BRAF: variants seen among roughly 807,000 people sequenced by gnomAD.
BRAF encodes the protein B-Raf proto-oncogene, serine/threonine kinase, also known as serine/threonine-protein kinase B-raf.
BRAF carries 16 observed loss-of-function variants against 104.6 expected under a neutral mutation model. The observed-to-expected ratio is 0.15, with a 90% CI of 0.10 to 0.23. BRAF has a LOEUF of 0.23. Ranked by LOEUF, BRAF falls within the 10% of genes least tolerant of loss-of-function variation. The pLI, the probability that BRAF is intolerant of heterozygous loss-of-function variation, is 1.00. For synonymous variants in BRAF, 310 were observed against 341.6 expected (o/e 0.91, Z 1.02); for missense variants, 541 against 937.3 (o/e 0.58, Z 5.52).
rs1807345477 is a variant in BRAF at position 140,836,407 on chromosome 7, G to A, written c.241-1535C>T. The stretch of plus-strand genomic sequence containing the variant: ...AGGGAGAATTATAAAATGTAGAGGA[G>A]AATGAAAGAGAAATTTCATTTCAAT... On this transcript the variant is annotated intron_variant, in intron 2 of 19. Coordinates refer to ENST00000644969, the MANE Select transcript of BRAF (RefSeq NM_001374258.1). 1.3e-5 allele frequency among the ~76,000 whole-genome samples: 2 copies of A among 151,958 alleles called. 1 individual carries two copies. Among genetic ancestry groups the A allele is most frequent in the Admixed American group, 1.3e-4 (2 of 15,226 alleles).
intron 1 of BRAF, among the ~76,000 whole-genome samples, chr7:140,869,636 C>T (rs921060091): frequency 1.1e-5 from 1 of 94,458 alleles, no homozygotes. Context: ...CTGTCTCAAA[C>T]AAAAAAAAAA....
chr7:140,816,624 A>G (rs1804910255), intron 3 of BRAF, among the ~76,000 whole-genome samples: 1 of 152,080 alleles, frequency 6.6e-6, no homozygotes, highest in Admixed American at 6.5e-5. Flanking sequence ...ATGCCAATCA[A>G]CAGATATTTG....
At chr7:140,813,837 G>A (rs1050121608) in intron 3 of BRAF, among the ~76,000 whole-genome samples, 3 of 151,854 alleles carry the variant, frequency 2.0e-5, no homozygotes, top group Non-Finnish European at 4.4e-5. Context: ...TAAAAACCAT[G>A]AAAATCCATA....
chr7:140,837,255 C>T (rs1428858355), intron 2 of BRAF, among the ~76,000 whole-genome samples: 2 of 152,164 alleles, frequency 1.3e-5, no homozygotes, highest in African/African-American at 4.8e-5. Flanking sequence ...ACCTTTAAGA[C>T]CCGGAGAAGC....
At chr7:140,922,027 A>T (rs1053811382) in intron 1 of BRAF, among the ~76,000 whole-genome samples, 1 of 152,206 alleles carries the variant, frequency 6.6e-6, no homozygotes, top group Non-Finnish European at 1.5e-5. Context: ...TTATTTTATC[A>T]TCTGTAATAC....
intron 2 of BRAF, among the ~76,000 whole-genome samples, chr7:140,846,625 G>A (rs1808570016): frequency 1.3e-5 from 2 of 151,974 alleles, no homozygotes; most frequent in African/African-American, 4.8e-5. Context: ...AACATGAATG[G>A]ACTTAATGCC....
chr7:140,758,919 T>G (rs931763305), intron 14 of BRAF, among the ~76,000 whole-genome samples: 1 of 152,238 alleles, frequency 6.6e-6, no homozygotes, highest in Non-Finnish European at 1.5e-5. Context: ...TCATACATTT[T>G]TGCGATTAGT....
intron 1 of BRAF, among the ~76,000 whole-genome samples, chr7:140,899,866 C>G (rs1394694157): frequency 6.6e-6 from 1 of 152,160 alleles, no homozygotes; most frequent in African/African-American, 2.4e-5. Flanking sequence ...TGCCTTGCTT[C>G]TAACAAAAAG....
chr7:140,768,605 T>C (rs1311898037), intron 14 of BRAF, among the ~76,000 whole-genome samples: 2 of 152,264 alleles, frequency 1.3e-5, no homozygotes, highest in Non-Finnish European at 2.9e-5. Flanking sequence ...GTGATCCTCC[T>C]GCCTCAGCCT....
intron 12 of BRAF, among the ~76,000 whole-genome samples, chr7:140,778,616 GCAGCACAC>G (rs1800551499): frequency 1.3e-5 from 2 of 151,762 alleles, no homozygotes. Flanking sequence ...GTTAATGGGT[GCAGCACAC>G]CAGCATGGCA....
At chr7:140,876,134 C>T (rs563395745) in intron 1 of BRAF, among the ~76,000 whole-genome samples, 15 of 152,032 alleles carry the variant, frequency 9.9e-5, no homozygotes, top group Admixed American at 5.2e-4. Flanking sequence ...TTAATAGAAA[C>T]GTAACATACA....
intron 3 of BRAF, chr7:140,823,718 T>A (rs943844058): frequency 6.6e-6 from 1 of 152,208 alleles, no homozygotes; most frequent in Non-Finnish European, 1.5e-5. Flanking sequence ...TATTTTTAGT[T>A]TTTTGAGGAA....
chr7:140,767,521 T>C (rs1799449656), intron 14 of BRAF, among the ~76,000 whole-genome samples: 1 of 152,096 alleles, frequency 6.6e-6, no homozygotes, highest in Non-Finnish European at 1.5e-5. Flanking sequence ...CCAACTGTCT[T>C]AAAGAGATGG....
At chr7:140,853,180 G>C (rs73494540) in intron 1 of BRAF, among the ~76,000 whole-genome samples, 2 of 151,190 alleles carry the variant, frequency 1.3e-5, no homozygotes, top group Non-Finnish European at 2.9e-5. Context: ...AGGCTGAGAC[G>C]GGAGGATCGC....
At chr7:140,869,727 G>T (rs935434666) in intron 1 of BRAF, among the ~76,000 whole-genome samples, 2 of 152,062 alleles carry the variant, frequency 1.3e-5, no homozygotes, top group Non-Finnish European at 2.9e-5. Flanking sequence ...CTTAATCAAG[G>T]CTATTCATGC....
intron 18 of BRAF, among the ~76,000 whole-genome samples, chr7:140,738,739 C>G (rs1368025467): frequency 6.6e-6 from 1 of 152,080 alleles, no homozygotes; most frequent in Non-Finnish European, 1.5e-5. Flanking sequence ...GTCTCAGCCT[C>G]CTGAGTGGCT....
intron 1 of BRAF, among the ~76,000 whole-genome samples, chr7:140,863,971 C>T (rs1438620807): frequency 2.0e-5 from 3 of 152,184 alleles, no homozygotes; most frequent in East Asian, 1.9e-4. Context: ...ATTTTATAGA[C>T]GAGCACATTG....
intron 7 of BRAF, 140 bp downstream of exon 7, chr7:140,800,222 C>G (rs1802942997): frequency 7.7e-7 from 1 of 1,303,998 alleles, no homozygotes; most frequent in Non-Finnish European, 1.1e-6. Context: ...ATGTAAATAT[C>G]TGAGTGGTAT....
intron 17 of BRAF, among the ~76,000 whole-genome samples, chr7:140,746,825 G>A (rs556832683): frequency 6.2e-5 from 9 of 146,240 alleles, no homozygotes; most frequent in Middle Eastern, 3.5e-3. Flanking sequence ...GCAAGACTCC[G>A]TCTTGGAAAA....
Sources: allele counts gnomAD v4.1 joint callset (sites outside exome capture counted in the v4.1 genomes callset), GRCh38; gene constraint gnomAD v4.1.1; transcripts MANE v1.5; gene names NCBI Gene and HGNC (gene_info 2026-07-23, HGNC 2026-07-21).